The following SPON2 variants were observed in gnomAD, a reference collection of about 807,000 sequenced individuals.
The protein encoded by SPON2 is spondin 2.
SPON2 carries 32 observed loss-of-function variants against 29.9 expected under a neutral mutation model. The observed-to-expected ratio is 1.07, with a 90% CI of 0.81 to 1.44. SPON2 has a LOEUF of 1.44. Among genes scored for constraint, SPON2 ranks in the 40% most tolerant of loss-of-function variants. SPON2 has a pLI of 0.00. For synonymous variants in SPON2, 248 were observed against 209.1 expected, an observed-to-expected ratio of 1.19 and a Z score of -1.61; for missense variants, 541 against 455.5, an observed-to-expected ratio of 1.19 and a Z score of -1.71.
At position 1,167,591 on chromosome 4, in the gene SPON2, A is replaced by G. The variant is rs147860464; in HGVS notation, c.877T>C (p.Cys293Arg). Residue 293 changes from cysteine to arginine, a missense_variant, in exon 6 of 6, where the codon TGT (cysteine) becomes CGT (arginine). Coordinates refer to ENST00000290902, the MANE Select transcript of SPON2 (RefSeq NM_012445.4). ...WSSWGLCGGH[C>R]GRLGTKSRTR... ...CTGCTCTTGGTCCCGAGCCTCCCACAGTGGCCTCCGCACAGTCCCCAGGAC... is the reference window on the plus strand; with the variant it reads ...CTGCTCTTGGTCCCGAGCCTCCCACGGTGGCCTCCGCACAGTCCCCAGGAC... The G allele has an allele frequency of 2.9e-5, 46 of 1,613,420 alleles. No homozygotes were observed. The highest frequency in any genetic ancestry group is 3.9e-5 in the Non-Finnish European group (46 of 1,179,982).
Position 1,171,392 on chromosome 4 carries a change from C to A in SPON2, c.315G>T (p.Ala105=), listed in dbSNP as rs543108170. Residue 105 remains alanine, a synonymous_variant, in exon 3 of 6, where the codon GCG becomes GCT. Transcript: ENST00000290902. ...RDFAERGEAW[A]LMKEIEAAGE... ...CCGCCGCCTCGATCTCCTTCATCAGCGCCCAGGCCTCGCCGCGCTCCGCAA... is the reference window on the plus strand; with the variant it reads ...CCGCCGCCTCGATCTCCTTCATCAGAGCCCAGGCCTCGCCGCGCTCCGCAA... 87 of 1,612,314 alleles carry A rather than the reference C, an allele frequency of 5.4e-5. No homozygotes were observed. In the Middle Eastern group the frequency reaches 1.3e-3, roughly 24 times the overall value.
chr4:1,172,230 G>A, intron 1 of SPON2, 156 bp from the exon 2 acceptor site: 1 of 657,970 alleles, frequency 1.5e-6, no homozygotes, highest in Non-Finnish European at 2.6e-6. Flanking sequence ...GTGCTTCCGA[G>A]ACCCCCATCA....
At chr4:1,201,992 A>G (rs1014592530) in intron 1 of SPON2, among the ~76,000 whole-genome samples, 1 of 152,166 alleles carries the variant, frequency 6.6e-6, no homozygotes, top group Admixed American at 6.5e-5. Flanking sequence ...ACAGTGTACA[A>G]TTCAGTGGTT....
At chr4:1,178,486 T>A (rs1470565585) in intron 2 of SPON2, among the ~76,000 whole-genome samples, 2 of 151,772 alleles carry the variant, frequency 1.3e-5, no homozygotes. Flanking sequence ...CTGTCCCTCC[T>A]CTTCAGCACC....
At chr4:1,194,320 G>A (rs573856162) in intron 1 of SPON2, among the ~76,000 whole-genome samples, 8 of 152,318 alleles carry the variant, frequency 5.3e-5, no homozygotes, top group African/African-American at 1.9e-4. Context: ...GGGCTCACCC[G>A]CAGGTCCCGA....
At chr4:1,183,402 A>G (rs934867387) in intron 1 of SPON2, among the ~76,000 whole-genome samples, 13 of 152,326 alleles carry the variant, frequency 8.5e-5, no homozygotes, top group African/African-American at 2.9e-4. Flanking sequence ...GAAGCTATAT[A>G]AAGAAATAAA....
chr4:1,175,173 G>C (rs569532948), upstream of SPON2, among the ~76,000 whole-genome samples: 2 of 152,376 alleles, frequency 1.3e-5, no homozygotes, highest in South Asian at 4.1e-4. Flanking sequence ...TCGGCTGAAA[G>C]GAGCACAGGC....
chr4:1,171,789 C>T (rs1459691698), intron 2 of SPON2, 63 bp downstream of exon 2: 6 of 1,107,776 alleles, frequency 5.4e-6, no homozygotes, highest in African/African-American at 1.5e-5. Flanking sequence ...TGCAGCTGTG[C>T]GGGGGGCTCC....
At chr4:1,174,930 C>T (rs560570797), upstream of SPON2, among the ~76,000 whole-genome samples, 16 of 152,316 alleles carry the variant, frequency 1.1e-4, no homozygotes, top group Admixed American at 3.3e-4. Flanking sequence ...CCTCGAAAGC[C>T]GCCGTGTGCC....
At chr4:1,185,234 C>T (rs2108660246) in intron 1 of SPON2, among the ~76,000 whole-genome samples, 1 of 151,628 alleles carries the variant, frequency 6.6e-6, no homozygotes, top group South Asian at 2.1e-4. Context: ...CCACCCCTGG[C>T]TAATTTCTTT....
rs1222429480 is a variant in SPON2, at chr4:1,203,678, G to A, written c.-234+4202C>T. On this transcript the variant is annotated intron_variant, in intron 1 of 3. Transcript: ENST00000509233. ...GCTTCACACTTTGAAGAACAGAACAGCCGCATGTGAGGTTCCCACGTCTCC... is the reference window on the plus strand; with the variant it reads ...GCTTCACACTTTGAAGAACAGAACAACCGCATGTGAGGTTCCCACGTCTCC... Among the ~76,000 whole-genome samples the A allele has an allele frequency of 2.0e-5, 3 of 152,188 alleles. No individual in the cohort carries two copies. The East Asian group carries it at 5.8e-4, about 29-fold the overall frequency.
chr4:1,178,013 T>C (rs1314899105), upstream of SPON2, among the ~76,000 whole-genome samples: 2 of 152,168 alleles, frequency 1.3e-5, no homozygotes, highest in Non-Finnish European at 2.9e-5. Context: ...CTCACGGACA[T>C]GTACCAAGGG....
intron 1 of SPON2, among the ~76,000 whole-genome samples, chr4:1,205,650 G>T (rs1051765470): frequency 2.0e-5 from 3 of 152,212 alleles, no homozygotes; most frequent in African/African-American, 7.2e-5. Flanking sequence ...CTTGGGAAGG[G>T]TGGGGGCCCA....
At chr4:1,181,152 C>G (rs1445385552) in intron 1 of SPON2, among the ~76,000 whole-genome samples, 1 of 152,174 alleles carries the variant, frequency 6.6e-6, no homozygotes, top group African/African-American at 2.4e-5. Context: ...AGAAGCAACT[C>G]ATCTCATACA....
At position 1,167,673 on chromosome 4, in the gene SPON2, G is replaced by A. The variant is rs1304693877; in HGVS notation, c.812-17C>T. ...TTTCTGGAACTGGACCAAGCAAAGG[G>A]GAGACCGAGGTGAACGCTCGCGTGA... On this transcript the variant is annotated splice_polypyrimidine_tract_variant and intron_variant, in intron 5 of 5. Coordinates refer to ENST00000290902, the MANE Select transcript of SPON2 (RefSeq NM_012445.4). The A allele has an allele frequency of 1.3e-6, 2 of 1,566,608 alleles. No homozygotes were observed. The highest frequency in any genetic ancestry group is 2.7e-5 in the African/African-American group (2 of 73,458).
intron 4 of SPON2, 134 bp from the exon 5 acceptor site, chr4:1,170,710 C>G (rs1162458828): frequency 1.0e-5 from 12 of 1,156,940 alleles, no homozygotes; most frequent in Non-Finnish European, 1.5e-5. Context: ...GTCCCATGTA[C>G]TCCTCTCAGC....
intron 1 of SPON2, among the ~76,000 whole-genome samples, chr4:1,186,106 T>C (rs113819921): frequency 1.0e-4 from 15 of 149,584 alleles, no homozygotes; most frequent in South Asian, 4.3e-4. Context: ...TAGCCGGGCG[T>C]GGTGGTGGGC....
At chr4:1,205,988 C>T (rs1000911955) in intron 1 of SPON2, among the ~76,000 whole-genome samples, 2 of 151,626 alleles carry the variant, frequency 1.3e-5, no homozygotes, top group Non-Finnish European at 2.9e-5. Context: ...TCCCTCCAGG[C>T]CCCCAACCCT....
Position 1,167,393 on chromosome 4 carries a change from C to T in SPON2, c.*79G>A, listed in dbSNP as rs1727272740. The T allele has an allele frequency of 1.4e-6, 2 of 1,446,440 alleles. No individual in the cohort carries two copies. Among genetic ancestry groups the T allele is most frequent in the African/African-American group, 1.4e-5 (1 of 70,504 alleles). 89.6% of individuals were successfully genotyped at this position (1,446,440 alleles called of 1,614,324 possible). ...GCGCGAAACCCCCTGTGCCCTCGGC[C>T]GCCTGCAGCATGAGCCTGCACAGGA... On this transcript the variant is annotated 3_prime_UTR_variant, in exon 6 of 6. Transcript: ENST00000290902.
Sources: allele counts gnomAD v4.1 joint callset (sites outside exome capture counted in the v4.1 genomes callset), GRCh38; gene constraint gnomAD v4.1.1; transcripts MANE v1.5; gene names NCBI Gene and HGNC (gene_info 2026-07-23, HGNC 2026-07-21).